The following BARD1 variants were observed in gnomAD, a reference collection of about 807,000 sequenced individuals.
BARD1 encodes BRCA1-associated RING domain protein 1.
Under a neutral mutation model 77.0 loss-of-function variants are expected in BARD1, and 73 were observed. The observed-to-expected ratio is 0.95, with a 90% confidence interval of 0.79 to 1.15. The LOEUF is 1.15. Ranked by LOEUF, BARD1 falls within the 50% of genes most tolerant of loss-of-function variation. BARD1 has a pLI of 0.00. For missense variants in BARD1, 993 were observed against 938.8 expected (o/e 1.06, Z -0.75); for synonymous variants, 384 against 338.0 (o/e 1.14, Z -1.49).
chr2:214,726,053 T>C lies in BARD1; in HGVS notation c.*2623A>G, dbSNP rs1033566546. On this transcript the variant is annotated 3_prime_UTR_variant, in exon 11 of 11. Coordinates refer to ENST00000260947, the MANE Select transcript of BARD1 (RefSeq NM_000465.4). ...AGGCAGGTGCAAAAAAAAAAAAAGG[T>C]GGGGGGACCGATGAAATAAAGGAAA... The C allele has an allele frequency of 4.7e-6, 1 of 211,980 alleles. No homozygotes were observed. Among genetic ancestry groups the C allele is most frequent in the Non-Finnish European group, 9.4e-6 (1 of 106,662 alleles). The allele number at this position is 211,980 out of a possible 1,614,324, so 13.1% of individuals were successfully genotyped here. A position where few individuals can be genotyped will look rare whatever the true frequency, so the allele number is the denominator to read the frequency against.
intron 6 of BARD1, among the ~76,000 whole-genome samples, chr2:214,761,183 T>C (rs1693947299): frequency 2.0e-5 from 3 of 151,598 alleles, no homozygotes; most frequent in Admixed American, 6.6e-5. Flanking sequence ...AAAAATTATA[T>C]AATATGTGAG....
intron 4 of BARD1, among the ~76,000 whole-genome samples, chr2:214,778,172 G>C (rs1373737086): frequency 6.6e-6 from 1 of 151,604 alleles, no homozygotes; most frequent in Admixed American, 6.6e-5. Flanking sequence ...CTCCAGCCTG[G>C]GTGACAGGGC....
chr2:214,772,702 A>T (rs1483752881), intron 4 of BARD1, among the ~76,000 whole-genome samples: 1 of 152,080 alleles, frequency 6.6e-6, no homozygotes, highest in Admixed American at 6.6e-5. Context: ...TTTTATAACC[A>T]ATCTGCTTTC....
chr2:214,768,364 G>T (rs1278473413), intron 5 of BARD1, among the ~76,000 whole-genome samples: 8 of 152,298 alleles, frequency 5.3e-5, no homozygotes, highest in African/African-American at 1.9e-4. Context: ...TTAGGAGAAA[G>T]GAATCCAAAC....
chr2:214,756,762 G>A (rs973839801), intron 6 of BARD1, among the ~76,000 whole-genome samples: 10 of 152,262 alleles, frequency 6.6e-5, no homozygotes, highest in Admixed American at 1.3e-4. Flanking sequence ...TCATTCATAA[G>A]TGGAAGCTAA....
At chr2:214,731,366 A>T (rs1415858820) in intron 9 of BARD1, among the ~76,000 whole-genome samples, 1 of 152,210 alleles carries the variant, frequency 6.6e-6, no homozygotes, top group Non-Finnish European at 1.5e-5. Flanking sequence ...CCAATCATGA[A>T]GGACATGGTC....
intron 10 of BARD1, among the ~76,000 whole-genome samples, chr2:214,729,378 A>G (rs1468111056): frequency 6.6e-6 from 1 of 152,236 alleles, no homozygotes; most frequent in Non-Finnish European, 1.5e-5. Context: ...GCATCATGTC[A>G]AAGCTCAAAA....
chr2:214,807,765 T>C (rs1000445830), intron 1 of BARD1, among the ~76,000 whole-genome samples: 1 of 152,112 alleles, frequency 6.6e-6, no homozygotes, highest in Non-Finnish European at 1.5e-5. Context: ...GCCTACTCAA[T>C]AGTGTCAAAG....
At chr2:214,747,816 C>T (rs1258915950) in intron 7 of BARD1, among the ~76,000 whole-genome samples, 1 of 150,754 alleles carries the variant, frequency 6.6e-6, no homozygotes, top group Non-Finnish European at 1.5e-5. Context: ...TGTAACAAAC[C>T]TGCACGTTGT....
At chr2:214,741,655 A>C (rs571921154) in intron 9 of BARD1, among the ~76,000 whole-genome samples, 25 of 152,102 alleles carry the variant, frequency 1.6e-4, no homozygotes, top group Non-Finnish European at 2.9e-4. Context: ...TGAAGGAGGG[A>C]CTTTTCTTAT....
rs370359540 is a variant in BARD1, at chr2:214,792,408, C to A, written c.253G>T (p.Val85Leu). 809 of 1,610,076 alleles carry A rather than the reference C, an allele frequency of 5.0e-4. 8 individuals carry two copies. In the South Asian group the frequency reaches 8.1e-3, roughly 16 times the overall value. Residue 85 changes from valine (V) to leucine (L), a missense_variant, in exon 3 of 11, where the codon GTG becomes TTG. Coordinates refer to ENST00000260947, the MANE Select transcript of BARD1 (RefSeq NM_000465.4). ...TGTATCCAGGCCGGGGTGTAACACA[C>A]TGGACATCCAGTTCCAATGCAGTCA... ...VSDCIGTGCPVCYTPAWIQDL... is the reference protein window; with the variant it reads ...VSDCIGTGCPLCYTPAWIQDL...
chr2:214,751,136 TA>T (rs1693412608), intron 7 of BARD1, among the ~76,000 whole-genome samples: 2 of 46,102 alleles, frequency 4.3e-5, no homozygotes, highest in South Asian at 7.5e-4. Flanking sequence ...TATATATATA[TA>T]TATATATATA....
At chr2:214,784,988 C>T (rs142814236) in intron 3 of BARD1, among the ~76,000 whole-genome samples, 1 of 151,026 alleles carries the variant, frequency 6.6e-6, no homozygotes, top group East Asian at 2.0e-4. Flanking sequence ...AACAAACCTG[C>T]ATGTTCTGCA....
In BARD1 at chr2:214,726,852, A is replaced by G. The variant is rs1692105773; in HGVS notation, c.*1824T>C. ...AACAAAAAGAAGGGAGGGGTGATAA[A>G]CCAAGAAAATGAATGACAAAAACTA... On this transcript the variant is annotated 3_prime_UTR_variant, in exon 11 of 11. Transcript: ENST00000260947. 8.7e-6 allele frequency: 2 copies of G among 228,938 alleles called. No individual in the cohort carries two copies. Among genetic ancestry groups the G allele is most frequent in the African/African-American group, 4.4e-5 (2 of 45,144 alleles). 14.2% of individuals were successfully genotyped at this position (228,938 alleles called of 1,614,324 possible).
intron 3 of BARD1, among the ~76,000 whole-genome samples, chr2:214,787,449 A>G (rs1242914387): frequency 6.6e-5 from 10 of 151,948 alleles, no homozygotes; most frequent in Non-Finnish European, 5.9e-5. Context: ...ATTTTATTAG[A>G]TATTCTGAAT....
chr2:214,797,852 G>C lies in BARD1; in HGVS notation c.159-735C>G, dbSNP rs142323962. The stretch of plus-strand genomic sequence containing the variant: ...CAGATAGAATGAAGTTCCCTGCAGT[G>C]AGTGAGCAAAGAGACACAGAAACAA... On this transcript the variant is annotated intron_variant, in intron 1 of 10. Coordinates refer to ENST00000260947, the MANE Select transcript of BARD1 (RefSeq NM_000465.4). Among the ~76,000 whole-genome samples the C allele has an allele frequency of 2.6e-4, 40 of 152,296 alleles. 1 individual carries two copies. In the East Asian group the frequency reaches 5.6e-3, roughly 21 times the overall value.
At chr2:214,756,243 A>G (rs2106047814) in intron 6 of BARD1, among the ~76,000 whole-genome samples, 1 of 152,228 alleles carries the variant, frequency 6.6e-6, no homozygotes, top group Admixed American at 6.5e-5. Flanking sequence ...AGGGTGTAGC[A>G]CTAATGACCA....
chr2:214,728,287 A>G lies in BARD1; in HGVS notation c.*389T>C, dbSNP rs1167931497. On this transcript the variant is annotated 3_prime_UTR_variant, in exon 11 of 11. Transcript: ENST00000260947. The stretch of plus-strand genomic sequence containing the variant: ...TTGATAATATTCTGTTTACTAAAAA[A>G]AAAAAAAAAAAAAAGGCAAGTTTTT... 8.2e-5 allele frequency: 20 copies of G among 242,688 alleles called. No individual in the cohort carries two copies. Among genetic ancestry groups the G allele is most frequent in the South Asian group, 1.4e-4 (1 of 7,168 alleles). 15.0% of individuals were successfully genotyped at this position (242,688 alleles called of 1,614,324 possible).
At chr2:214,765,177 T>C (rs1314012314) in intron 6 of BARD1, among the ~76,000 whole-genome samples, 1 of 152,296 alleles carries the variant, frequency 6.6e-6, no homozygotes, top group Non-Finnish European at 1.5e-5. Flanking sequence ...CCAGCATAGA[T>C]ATAAACATTT....
Sources: allele counts gnomAD v4.1 joint callset (sites outside exome capture counted in the v4.1 genomes callset), GRCh38; gene constraint gnomAD v4.1.1; transcripts MANE v1.5; gene names NCBI Gene and HGNC (gene_info 2026-07-23, HGNC 2026-07-21).